The following IGSF11 variants were observed in gnomAD, a reference collection of about 807,000 sequenced individuals.
IGSF11 encodes CXADR like 1.
In IGSF11, 22 loss-of-function variants were observed where a neutral mutation model predicts 41.0. The observed-to-expected ratio is 0.54, with a 90% CI of 0.38 to 0.77. The LOEUF is 0.77. Ranked by LOEUF, IGSF11 falls within the 30% of genes least tolerant of loss-of-function variation. The pLI, the probability that IGSF11 is intolerant of heterozygous loss-of-function variation, is 0.00. For missense variants in IGSF11, 444 were observed against 530.8 expected, an observed-to-expected ratio of 0.84 and a Z score of 1.61; for synonymous variants, 219 against 201.3, an observed-to-expected ratio of 1.09 and a Z score of -0.74.
chr3:118,907,463 G>A (rs2107474093), intron 4 of IGSF11, among the ~76,000 whole-genome samples: 1 of 152,234 alleles, frequency 6.6e-6, no homozygotes, highest in African/African-American at 2.4e-5. Flanking sequence ...GAGGGGGATA[G>A]GGGAGCATAC....
At chr3:119,130,553 G>C (rs1218020693) in intron 1 of IGSF11, among the ~76,000 whole-genome samples, 1 of 152,206 alleles carries the variant, frequency 6.6e-6, no homozygotes, top group Non-Finnish European at 1.5e-5. Context: ...AAGTGGTCAG[G>C]AAGCTCGAAC....
At chr3:119,049,602 C>G (rs1255204140) in intron 1 of IGSF11, among the ~76,000 whole-genome samples, 5 of 151,310 alleles carry the variant, frequency 3.3e-5, no homozygotes, top group Non-Finnish European at 7.4e-5. Flanking sequence ...CAATGCCATC[C>G]CCATCAAGCT....
Position 119,120,823 on chromosome 3 carries a change from A to G in IGSF11, c.-13-15618T>C, listed in dbSNP as rs539434504. The stretch of plus-strand genomic sequence containing the variant: ...TCCAGGTACAGCTGATGGAATTTAC[A>G]TATAAAAGATCCTAGTTTACGTAAC... On this transcript the variant is annotated intron_variant, in intron 1 of 7. Transcript: ENST00000425327. Among the ~76,000 whole-genome samples the G allele has an allele frequency of 8.5e-5, 13 of 152,340 alleles. 1 individual carries two copies. The highest frequency in any genetic ancestry group is 2.6e-4 in the Admixed American group (4 of 15,296).
chr3:119,127,808 T>C (rs2077423651), intron 1 of IGSF11, among the ~76,000 whole-genome samples: 1 of 152,120 alleles, frequency 6.6e-6, no homozygotes, highest in African/African-American at 2.4e-5. Flanking sequence ...CAAATGAAGC[T>C]TCATAAGCAA....
At chr3:119,099,590 CAT>C (rs375678471) in intron 1 of IGSF11, among the ~76,000 whole-genome samples, 4 of 152,236 alleles carry the variant, frequency 2.6e-5, no homozygotes, top group South Asian at 2.1e-4. Context: ...AACTACTACA[CAT>C]GAGTAGAAAA....
intron 1 of IGSF11, among the ~76,000 whole-genome samples, chr3:118,966,366 G>C (rs1945674930): frequency 6.6e-6 from 1 of 152,120 alleles, no homozygotes; most frequent in South Asian, 2.1e-4. Flanking sequence ...TTTTGTGGCA[G>C]AACTGAGGTG....
intron 1 of IGSF11, among the ~76,000 whole-genome samples, chr3:118,965,586 T>C (rs972640398): frequency 1.3e-5 from 2 of 151,940 alleles, no homozygotes; most frequent in African/African-American, 2.4e-5. Context: ...CAAATTATCA[T>C]AGATCATAAA....
chr3:119,068,318 G>A (rs1475315887), intron 1 of IGSF11, among the ~76,000 whole-genome samples: 1 of 152,296 alleles, frequency 6.6e-6, no homozygotes, highest in East Asian at 1.9e-4. Flanking sequence ...GCTTGGAAAT[G>A]TAATATTTTA....
intron 1 of IGSF11, among the ~76,000 whole-genome samples, chr3:119,077,180 A>T (rs1239652171): frequency 6.6e-6 from 1 of 151,908 alleles, no homozygotes; most frequent in Non-Finnish European, 1.5e-5. Flanking sequence ...AAAAAACCAA[A>T]CACTGCATGT....
chr3:119,122,298 C>T (rs969625442), intron 1 of IGSF11, among the ~76,000 whole-genome samples: 9 of 152,178 alleles, frequency 5.9e-5, no homozygotes, highest in Non-Finnish European at 1.2e-4. Context: ...TGCCCTCTCA[C>T]AGAAGAAAAC....
At chr3:119,100,026 G>T (rs2076916603) in intron 1 of IGSF11, among the ~76,000 whole-genome samples, 1 of 152,042 alleles carries the variant, frequency 6.6e-6, no homozygotes, top group African/African-American at 2.4e-5. Context: ...GACAGAACGG[G>T]ATGACATGAG....
intron 1 of IGSF11, among the ~76,000 whole-genome samples, chr3:118,973,524 A>T (rs1387941395): frequency 6.6e-6 from 1 of 152,210 alleles, no homozygotes; most frequent in East Asian, 1.9e-4. Flanking sequence ...TGCCACAGCA[A>T]CTTGAAATAC....
At chr3:118,917,324 T>C (rs1941240812) in intron 4 of IGSF11, among the ~76,000 whole-genome samples, 1 of 149,940 alleles carries the variant, frequency 6.7e-6, no homozygotes, top group South Asian at 2.2e-4. Flanking sequence ...CAGGAGCTGG[T>C]TTTCTGAAAG....
chr3:119,080,437 A>G (rs1172643984), intron 1 of IGSF11, among the ~76,000 whole-genome samples: 28 of 152,212 alleles, frequency 1.8e-4, no homozygotes, highest in Admixed American at 1.8e-3. Flanking sequence ...GACAGTGTGC[A>G]AAAAAGTAAA....
At chr3:119,019,770 G>C (rs1023902270) in intron 1 of IGSF11, among the ~76,000 whole-genome samples, 2 of 152,242 alleles carry the variant, frequency 1.3e-5, no homozygotes, top group South Asian at 4.1e-4. Flanking sequence ...TATTGAACAG[G>C]AACAGTGGTG....
Position 118,902,514 on chromosome 3 carries a change from C to A in IGSF11, c.*6G>T. ...TTCATTTCTGAACACAACATTTCCTCATGTCCTATACCAAGGACCCGGCCC... is the reference window on the plus strand; with the variant it reads ...TTCATTTCTGAACACAACATTTCCTAATGTCCTATACCAAGGACCCGGCCC... On this transcript the variant is annotated 3_prime_UTR_variant, in exon 7 of 7. Coordinates refer to ENST00000393775, the MANE Select transcript of IGSF11 (RefSeq NM_001015887.3). 6 of 1,351,324 alleles carry A rather than the reference C, an allele frequency of 4.4e-6. No homozygotes were observed. Among genetic ancestry groups the A allele is most frequent in the South Asian group, 1.1e-5 (1 of 87,284 alleles). 83.7% of individuals were successfully genotyped at this position (1,351,324 alleles called of 1,614,324 possible).
At chr3:118,995,747 G>A (rs1485214998) in intron 1 of IGSF11, among the ~76,000 whole-genome samples, 1 of 152,160 alleles carries the variant, frequency 6.6e-6, no homozygotes, top group Admixed American at 6.5e-5. Context: ...CCACCTCCTG[G>A]GTTCAAGCGA....
At chr3:118,911,721 CAGAGAGAGAG>C (rs564142301) in intron 4 of IGSF11, among the ~76,000 whole-genome samples, 1 of 149,374 alleles carries the variant, frequency 6.7e-6, no homozygotes, top group Non-Finnish European at 1.5e-5. Context: ...AGAGGAGACA[CAGAGAGAGAG>C]AGAGAGAAAG....
At chr3:119,069,726 AT>A in intron 1 of IGSF11, among the ~76,000 whole-genome samples, 1 of 152,030 alleles carries the variant, frequency 6.6e-6, no homozygotes, top group East Asian at 1.9e-4. Flanking sequence ...AAAAAAAAAA[AT>A]CACATACTTG....
Sources: allele counts gnomAD v4.1 joint callset (sites outside exome capture counted in the v4.1 genomes callset), GRCh38; gene constraint gnomAD v4.1.1; transcripts MANE v1.5; gene names NCBI Gene and HGNC (gene_info 2026-07-23, HGNC 2026-07-21).